COL23A1: variants seen among roughly 807,000 people sequenced by gnomAD.
The protein encoded by COL23A1 is collagen alpha-1(XXIII) chain.
Under a neutral mutation model 99.3 loss-of-function variants are expected in COL23A1, and 97 were observed. The ratio of observed to expected loss-of-function variants is 0.98; its 90% CI spans 0.83 to 1.16. The LOEUF (loss-of-function observed/expected upper bound fraction) is 1.16, where lower values mean the gene tolerates loss of function less well. Among genes scored for constraint, COL23A1 ranks in the 50% most tolerant of loss-of-function variants. The pLI is 0.00. For missense variants in COL23A1, 762 were observed against 757.4 expected, an observed-to-expected ratio of 1.01 and a Z score of -0.07; for synonymous variants, 320 against 308.2, an observed-to-expected ratio of 1.04 and a Z score of -0.40.
At chr5:178,286,845 C>G (rs116156738) in intron 5 of COL23A1, among the ~76,000 whole-genome samples, 1 of 152,144 alleles carries the variant, frequency 6.6e-6, no homozygotes, top group African/African-American at 2.4e-5. Context: ...CGGACCGGAC[C>G]GCTGGGTCAC....
chr5:178,238,064 G>C lies in COL23A1; in HGVS notation c.*634C>G, dbSNP rs993738062. ...ATCACAGAGCTCAGCCACTACTCCTGGCCAGAGGACATGTGCTCTCATGGC... is the reference window on the plus strand; with the variant it reads ...ATCACAGAGCTCAGCCACTACTCCTCGCCAGAGGACATGTGCTCTCATGGC... On this transcript the variant is annotated 3_prime_UTR_variant, in exon 29 of 29. Transcript: ENST00000390654. 6.5e-6 allele frequency: 1 copy of C among 153,388 alleles called. No individual in the cohort carries two copies. Among genetic ancestry groups the C allele is most frequent in the African/African-American group, 2.4e-5 (1 of 41,474 alleles). The allele number at this position is 153,388 out of a possible 1,614,324, so 9.5% of individuals were successfully genotyped here.
rs575383967 is a variant in COL23A1, at chr5:178,583,028, G to A, written c.294+6876C>T. 1.8e-4 allele frequency among the ~76,000 whole-genome samples: 27 copies of A among 152,304 alleles called. No individual in the cohort carries two copies. In the South Asian group the frequency reaches 2.9e-3, roughly 16 times the overall value. ...CAGGCCTGGCCCTGCGTGCTCTTCCGCCTCTGTGACATTTCTCCCCCTGTA... is the reference window on the plus strand; with the variant it reads ...CAGGCCTGGCCCTGCGTGCTCTTCCACCTCTGTGACATTTCTCCCCCTGTA... On this transcript the variant is annotated intron_variant, in intron 1 of 28. Transcript: ENST00000390654.
rs57231103 is a variant in COL23A1, at chr5:178,387,699, C to T, written c.362-80780G>A. 0.097 allele frequency among the ~76,000 whole-genome samples: 14,702 copies of T among 152,272 alleles called. 946 individuals are homozygous for T. The highest frequency in any genetic ancestry group is 0.21 in the South Asian group (1,020 of 4,818). ...GGTCAAAGAACACACTCAGTAAATACACGCTGAGCTAATGAATGAACGAAC... is the reference window on the plus strand; with the variant it reads ...GGTCAAAGAACACACTCAGTAAATATACGCTGAGCTAATGAATGAACGAAC... On this transcript the variant is annotated intron_variant, in intron 2 of 28. Coordinates refer to ENST00000390654, the MANE Select transcript of COL23A1 (RefSeq NM_173465.4). The surrounding 1 kb of genome is among the most constrained non-coding windows in gnomAD (Gnocchi z 4.7).
At chr5:178,585,377 G>T (rs563405605) in intron 1 of COL23A1, among the ~76,000 whole-genome samples, 1 of 151,540 alleles carries the variant, frequency 6.6e-6, no homozygotes, top group Non-Finnish European at 1.5e-5. Flanking sequence ...GCTGACTCTA[G>T]GGTAACACTC....
At chr5:178,371,435 G>A (rs1581250497) in intron 2 of COL23A1, among the ~76,000 whole-genome samples, 2 of 152,174 alleles carry the variant, frequency 1.3e-5, no homozygotes, top group South Asian at 2.1e-4. Context: ...CTCTGGGGTC[G>A]GATGGGCCTC....
chr5:178,448,754 G>C (rs1378478909), intron 2 of COL23A1, among the ~76,000 whole-genome samples: 1 of 151,400 alleles, frequency 6.6e-6, no homozygotes, highest in Non-Finnish European at 1.5e-5. Flanking sequence ...TGCTGCACTG[G>C]AGATCAAGTT....
chr5:178,257,430 G>C (rs970231781), intron 13 of COL23A1, 93 bp downstream of exon 13: 37 of 1,432,144 alleles, frequency 2.6e-5, no homozygotes, highest in Middle Eastern at 3.5e-4. Context: ...AGGAACCCGT[G>C]GTGCCAAAGG....
chr5:178,516,008 C>A (rs1256660644), intron 2 of COL23A1, among the ~76,000 whole-genome samples: 3 of 152,196 alleles, frequency 2.0e-5, no homozygotes, highest in Admixed American at 2.0e-4. Context: ...CAGAGTTTCT[C>A]TTTTTGTGTC....
chr5:178,301,590 C>T (rs28405091), intron 3 of COL23A1, among the ~76,000 whole-genome samples: 1 of 152,202 alleles, frequency 6.6e-6, no homozygotes, highest in South Asian at 2.1e-4. Flanking sequence ...GTTGTTGTTG[C>T]TGTTTATTGT....
At chr5:178,458,118 G>A (rs946792033) in intron 2 of COL23A1, among the ~76,000 whole-genome samples, 17 of 3,190 alleles carry the variant, frequency 5.3e-3, no homozygotes, top group East Asian at 0.083. Flanking sequence ...AGCTCCCACC[G>A]TCCAAAGATG....
intron 2 of COL23A1, among the ~76,000 whole-genome samples, chr5:178,367,718 A>AT (rs1762568021): frequency 2.0e-5 from 3 of 152,336 alleles, no homozygotes; most frequent in Middle Eastern, 3.4e-3. Flanking sequence ...TCTTTCTAGC[A>AT]TATCATCCAA....
intron 2 of COL23A1, among the ~76,000 whole-genome samples, chr5:178,475,761 T>C (rs1194099639): frequency 6.6e-6 from 1 of 152,220 alleles, no homozygotes; most frequent in African/African-American, 2.4e-5. Flanking sequence ...TTCAAGCTTT[T>C]GTGGCTGTTG....
At chr5:178,549,209 G>T (rs1331647888) in intron 2 of COL23A1, among the ~76,000 whole-genome samples, 1 of 151,888 alleles carries the variant, frequency 6.6e-6, no homozygotes, top group Non-Finnish European at 1.5e-5. Context: ...GGTCAGGCTG[G>T]TCTCGAACTC....
intron 2 of COL23A1, among the ~76,000 whole-genome samples, chr5:178,484,443 A>T (rs1425787271): frequency 6.6e-6 from 1 of 152,138 alleles, no homozygotes; most frequent in Non-Finnish European, 1.5e-5. Context: ...TCATCCTAGG[A>T]TCCTCATGCA....
chr5:178,435,035 C>T (rs1766481306), intron 2 of COL23A1, among the ~76,000 whole-genome samples: 1 of 152,206 alleles, frequency 6.6e-6, no homozygotes, highest in Non-Finnish European at 1.5e-5. Flanking sequence ...CGGATGCAGG[C>T]GCTGTGTGCC....
At chr5:178,339,697 C>A (rs1292184749) in intron 2 of COL23A1, among the ~76,000 whole-genome samples, 1 of 152,246 alleles carries the variant, frequency 6.6e-6, no homozygotes, top group Non-Finnish European at 1.5e-5. Flanking sequence ...GCCAGCGCCT[C>A]AGTGGGCCTC....
At position 178,428,654 on chromosome 5, in the gene COL23A1, G is replaced by A. The variant is rs377577949; in HGVS notation, c.362-121735C>T. On this transcript the variant is annotated intron_variant, in intron 2 of 28. Transcript: ENST00000390654. This position sits in a 1 kb window ranked among gnomAD's most constrained non-coding sequence, Gnocchi z 5.0. Reference sequence around the variant, plus strand: ...CTTCTCCTGACCTCATTATGTCAGCGCCCGGATTGTGTGCTGGGGCTGGGC... The same window carrying A: ...CTTCTCCTGACCTCATTATGTCAGCACCCGGATTGTGTGCTGGGGCTGGGC... 8.2e-4 allele frequency among the ~76,000 whole-genome samples: 125 copies of A among 152,346 alleles called. No homozygotes were observed. The highest frequency in any genetic ancestry group is 3.0e-3 in the African/African-American group (123 of 41,584).
At chr5:178,325,079 C>A (rs944223729) in intron 2 of COL23A1, among the ~76,000 whole-genome samples, 1 of 152,238 alleles carries the variant, frequency 6.6e-6, no homozygotes, top group African/African-American at 2.4e-5. Flanking sequence ...GAGTGACCCG[C>A]TCAAAGTCAC....
chr5:178,374,651 C>T (rs897997765), intron 2 of COL23A1, among the ~76,000 whole-genome samples: 3 of 152,292 alleles, frequency 2.0e-5, no homozygotes, highest in South Asian at 2.1e-4. Context: ...CTTTAGTAAG[C>T]GCTGAAAACC....
Sources: gnomAD v4.1 joint callset for allele counts (sites outside exome capture counted in the v4.1 genomes callset) on GRCh38, gnomAD v4.1.1 for gene constraint, Gnocchi (gnomAD v3.1) non-coding constraint, MANE v1.5 for transcripts, NCBI Gene and HGNC (gene_info 2026-07-23, HGNC 2026-07-21) for gene names.